TRPV3: variants seen among roughly 807,000 people sequenced by gnomAD.
TRPV3 encodes VRL-3.
Under a neutral mutation model 87.1 loss-of-function variants are expected in TRPV3, and 88 were observed. That is an observed-to-expected ratio of 1.01 (90% CI 0.85 to 1.21). TRPV3 has a LOEUF of 1.21. Ranked by LOEUF, TRPV3 falls within the 50% of genes most tolerant of loss-of-function variation. The probability of loss-of-function intolerance (pLI) is 0.00; values close to 1 mark genes in which losing one functional copy is unlikely to be tolerated. For synonymous variants in TRPV3, 438 were observed against 423.3 expected, an observed-to-expected ratio of 1.03 and a Z score of -0.43; for missense variants, 1,054 against 1,030.1, an observed-to-expected ratio of 1.02 and a Z score of -0.32.
At chr17:3,533,032 G>A in intron 7 of TRPV3, 95 bp from the exon 8 acceptor site, 1 of 1,433,198 alleles carries the variant, frequency 7.0e-7, no homozygotes, top group Non-Finnish European at 9.5e-7. Context: ...ATCTCAGCAG[G>A]ATGGGCACCT....
chr17:3,519,419 T>TGGTTG (rs1247195894), intron 14 of TRPV3, among the ~76,000 whole-genome samples: 13 of 93,184 alleles, frequency 1.4e-4, no homozygotes, highest in East Asian at 1.3e-3. Flanking sequence ...GATGGATGGA[T>TGGTTG]GATTGGATGG....
chr17:3,538,550 G>T (rs891499380), intron 6 of TRPV3, among the ~76,000 whole-genome samples: 10 of 151,530 alleles, frequency 6.6e-5, no homozygotes, highest in Admixed American at 6.6e-5. Context: ...GACAAATTTG[G>T]CAATAACTAT....
chr17:3,535,330 CCTTCCTCTCCCTCCTCCCTT>C (rs2074397447), intron 7 of TRPV3, among the ~76,000 whole-genome samples: 1 of 127,910 alleles, frequency 7.8e-6, no homozygotes, highest in Non-Finnish European at 1.7e-5. Context: ...CTCCTCCCTT[CCTTCCTCTCCCTCCTCCCTT>C]CCTTCCTCCC....
chr17:3,539,536 C>T (rs1018136009), intron 6 of TRPV3: 3 of 152,112 alleles, frequency 2.0e-5, no homozygotes, highest in African/African-American at 7.2e-5. Flanking sequence ...TCTATAGTCC[C>T]AGCTACTCGG....
intron 7 of TRPV3, among the ~76,000 whole-genome samples, chr17:3,535,325 CCCTT>C (rs1476008375): frequency 2.4e-5 from 3 of 122,832 alleles, no homozygotes; most frequent in East Asian, 2.7e-4. Flanking sequence ...TCTCCCTCCT[CCCTT>C]CCTTCCTCTC....
At chr17:3,515,382 C>T (rs12451131) in intron 16 of TRPV3, among the ~76,000 whole-genome samples, 77,167 of 151,910 alleles carry the variant, frequency 0.51, 20,254 homozygotes, top group East Asian at 0.88. Context: ...TTCATGGGGC[C>T]GGGCACCGTG....
rs578102089 is a variant in TRPV3 at position 3,550,669 on chromosome 17, C to T, written c.119+4063G>A. On this transcript the variant is annotated intron_variant, in intron 2 of 17. Transcript: ENST00000576742. ...CCTCCCCAGTAGCTGGGACTACAGG[C>T]GCCCGCCACCACACCTGGCTAATTT... Among the ~76,000 whole-genome samples the T allele has an allele frequency of 2.5e-4, 38 of 152,064 alleles. 1 individual carries two copies. Among genetic ancestry groups the T allele is most frequent in the African/African-American group, 4.1e-4 (17 of 41,496 alleles).
chr17:3,516,871 C>T (rs943364409), intron 15 of TRPV3, among the ~76,000 whole-genome samples: 6 of 152,050 alleles, frequency 3.9e-5, no homozygotes, highest in Non-Finnish European at 8.8e-5. Context: ...TAGGGCTGAG[C>T]GCACTGGCTC....
At chr17:3,525,498 G>A (rs2074291400) in intron 12 of TRPV3, among the ~76,000 whole-genome samples, 1 of 152,070 alleles carries the variant, frequency 6.6e-6, no homozygotes, top group South Asian at 2.1e-4. Flanking sequence ...GAGTTTTACA[G>A]GACGAAAACA....
At chr17:3,550,738 A>G (rs1441707412) in intron 2 of TRPV3, among the ~76,000 whole-genome samples, 1 of 151,676 alleles carries the variant, frequency 6.6e-6, no homozygotes, top group Non-Finnish European at 1.5e-5. Context: ...GTTAGCCAGG[A>G]TGGTCTTGAT....
intron 6 of TRPV3, among the ~76,000 whole-genome samples, chr17:3,539,902 G>A (rs1355850019): frequency 4.6e-5 from 7 of 151,986 alleles, no homozygotes; most frequent in South Asian, 2.1e-4. Context: ...GGAAATATTC[G>A]CCCTTGCCCA....
At chr17:3,546,979 A>AAAAAAAAAAAAG in intron 2 of TRPV3, among the ~76,000 whole-genome samples, 5 of 151,610 alleles carry the variant, frequency 3.3e-5, no homozygotes, top group Non-Finnish European at 5.9e-5. Context: ...AAAAAAAAAA[A>AAAAAAAAAAAAG]CTGGGTCTGG....
intron 5 of TRPV3, 121 bp downstream of exon 5, chr17:3,543,353 A>T (rs2150801369): frequency 2.3e-6 from 3 of 1,310,768 alleles, no homozygotes; most frequent in East Asian, 4.6e-5. Flanking sequence ...CAAAGTCCCT[A>T]GCCAGAATTC....
chr17:3,527,137 C>T (rs759971714), intron 11 of TRPV3, among the ~76,000 whole-genome samples: 3 of 152,140 alleles, frequency 2.0e-5, no homozygotes, highest in Non-Finnish European at 4.4e-5. Flanking sequence ...CAAATCTTCT[C>T]ACCTCCCTCA....
chr17:3,527,960 A>T, intron 11 of TRPV3, 65 bp downstream of exon 11: 1 of 1,233,170 alleles, frequency 8.1e-7, no homozygotes. Context: ...CAGAGCAGAG[A>T]GGGATGGAGG....
chr17:3,544,482 T>G, intron 4 of TRPV3, 97 bp downstream of exon 4: 2 of 725,582 alleles, frequency 2.8e-6, no homozygotes, highest in Admixed American at 3.0e-5. Context: ...CCAGGAATGG[T>G]GGATTCTTTC....
Position 3,551,870 on chromosome 17 carries a change from C to CTTTTTTTTTTTTTTTTT in TRPV3, c.119+2845_119+2861dup. Reference sequence around the variant, plus strand: ...CCTCTTTCTTCACCTGTAATTTATTCTTTTTTTTTTTTTTTTTTTTTTTTT... The same window carrying CTTTTTTTTTTTTTTTTT: ...CCTCTTTCTTCACCTGTAATTTATTCTTTTTTTTTTTTTTTTTTTTTTTTTTTTTTTTTTTTTTTTTT... On this transcript the variant is annotated intron_variant, in intron 2 of 17. Coordinates refer to ENST00000576742, the MANE Select transcript of TRPV3 (RefSeq NM_145068.4). Among the ~76,000 whole-genome samples, 73 of 43,354 alleles carry CTTTTTTTTTTTTTTTTT rather than the reference C, an allele frequency of 1.7e-3. 22 individuals carry two copies. The highest frequency in any genetic ancestry group is 2.8e-3 in the Non-Finnish European group (66 of 23,886). The allele number at this position is 43,354 out of a possible 152,430, so 28.4% of individuals were successfully genotyped here.
chr17:3,536,733 A>G (rs1239171232), intron 6 of TRPV3, among the ~76,000 whole-genome samples: 3 of 152,166 alleles, frequency 2.0e-5, no homozygotes, highest in African/African-American at 7.2e-5. Context: ...AGGGTGTCTC[A>G]GGTAAGATCT....
chr17:3,520,502 G>C (rs16953125), intron 14 of TRPV3, among the ~76,000 whole-genome samples: 1 of 152,136 alleles, frequency 6.6e-6, no homozygotes, highest in Non-Finnish European at 1.5e-5. Context: ...ATCTTAGGTC[G>C]TGAGGGCCAC....
Sources: allele counts gnomAD v4.1 joint callset (sites outside exome capture counted in the v4.1 genomes callset), GRCh38; gene constraint gnomAD v4.1.1; transcripts MANE v1.5; gene names NCBI Gene and HGNC (gene_info 2026-07-23, HGNC 2026-07-21).